Variants in DNAI1 observed in about 807,000 individuals in gnomAD.
The protein encoded by DNAI1 is dynein, axonemal, intermediate polypeptide 1.
In DNAI1, 67 loss-of-function variants were observed where a neutral mutation model predicts 92.0. That is an observed-to-expected ratio of 0.73 (90% confidence interval 0.60 to 0.89). The LOEUF (loss-of-function observed/expected upper bound fraction) is 0.89, where lower values mean the gene tolerates loss of function less well. Among genes scored for constraint, DNAI1 ranks in the 40% least tolerant of loss-of-function variants. The pLI is 0.00. For synonymous variants in DNAI1, 323 were observed against 319.6 expected (o/e 1.01, Z -0.11); for missense variants, 839 against 866.6 (o/e 0.97, Z 0.40).
chr9:34,493,680 C>T (rs1213997544), intron 9 of DNAI1, among the ~76,000 whole-genome samples: 1 of 152,140 alleles, frequency 6.6e-6, no homozygotes, highest in Non-Finnish European at 1.5e-5. Context: ...GCACCACTTC[C>T]CTCGGCAACG....
At chr9:34,488,005 G>C (rs1824506565) in intron 4 of DNAI1, 1 of 343,894 alleles carries the variant, frequency 2.9e-6, no homozygotes, top group Non-Finnish European at 5.8e-6. Flanking sequence ...TCAACTACTG[G>C]GGACAAGATG....
rs141638009 is a variant in DNAI1 at position 34,477,174 on chromosome 9, C to T, written c.49-6274C>T. On this transcript the variant is annotated intron_variant, in intron 1 of 19. Transcript: ENST00000242317. ...GGGACTACAGGCACACACCACCACA[C>T]CCAACTAATTAAAAAAAATTTTTAT... 5.0e-3 allele frequency among the ~76,000 whole-genome samples: 759 copies of T among 152,174 alleles called. 10 individuals are homozygous for T. Among genetic ancestry groups the T allele is most frequent in the African/African-American group, 0.017 (717 of 41,504 alleles).
Position 34,514,678 on chromosome 9 carries a change from G to A in DNAI1, c.1757G>A (p.Gly586Asp), listed in dbSNP as rs752567789. The A allele has an allele frequency of 2.5e-6, 4 of 1,614,178 alleles. No homozygotes were observed. Among genetic ancestry groups the A allele is most frequent in the Non-Finnish European group, 2.5e-6 (3 of 1,180,046 alleles). The stretch of plus-strand genomic sequence containing the variant: ...ATCTATGACCTGAACTCAGCCGTGG[G>A]TGATGTGGCCTGGGCGCCATACTCT... ...MFIYDLNSAV[G>D]DVAWAPYSST... Residue 586 changes from glycine (G) to aspartate (D), a missense_variant, in exon 18 of 20, where the codon GGT becomes GAT. By Grantham distance (94) the Gly-to-Asp change is moderately conservative. Coordinates refer to ENST00000242317, the MANE Select transcript of DNAI1 (RefSeq NM_012144.4).
intron 1 of DNAI1, among the ~76,000 whole-genome samples, chr9:34,462,468 T>A (rs1307715566): frequency 6.6e-6 from 1 of 152,170 alleles, no homozygotes; most frequent in Non-Finnish European, 1.5e-5. Flanking sequence ...ATAAACTATG[T>A]TATGGTAAGG....
rs1380836696 is a variant in DNAI1, at chr9:34,517,302, A to AGCCATCAACAAGTATGAG, written c.1843_1860dup (p.Asn615_Ile620dup). 1 of 1,613,826 alleles carries AGCCATCAACAAGTATGAG rather than the reference A, an allele frequency of 6.2e-7. No homozygotes were observed. Among genetic ancestry groups the AGCCATCAACAAGTATGAG allele is most frequent in the African/African-American group, 1.3e-5 (1 of 74,916 alleles). Reference sequence around the variant, plus strand: ...CTCCACAGGCCCACATATTTGACTTAGCCATCAACAAGTATGAGGCCATCT... The same window carrying AGCCATCAACAAGTATGAG: ...CTCCACAGGCCCACATATTTGACTTAGCCATCAACAAGTATGAGGCCATCAACAAGTATGAGGCCATCT... On this transcript the variant is annotated inframe_insertion, in exon 19 of 20. Transcript: ENST00000242317.
At chr9:34,512,083 A>G (rs1464761226) in intron 13 of DNAI1, 26 bp from the exon 14 acceptor site, 1 of 1,610,260 alleles carries the variant, frequency 6.2e-7, no homozygotes, top group Non-Finnish European at 8.5e-7. Flanking sequence ...GCAGGGTCCC[A>G]GAGCTCACAT....
rs556171052 is a variant in DNAI1, at chr9:34,496,767, C to G, written c.817-348C>G. On this transcript the variant is annotated intron_variant, in intron 9 of 19. Transcript: ENST00000242317. ...AAAGAAGGCTCCAACCTGCCCTTGTCTGCTCTCCCCTGCAGACCCTTCCTG... is the reference window on the plus strand; with the variant it reads ...AAAGAAGGCTCCAACCTGCCCTTGTGTGCTCTCCCCTGCAGACCCTTCCTG... 3.3e-5 allele frequency among the ~76,000 whole-genome samples: 5 copies of G among 152,314 alleles called. No individual in the cohort carries two copies. The South Asian group carries it at 8.3e-4, about 25-fold the overall frequency.
intron 8 of DNAI1, 51 bp from the exon 9 acceptor site, chr9:34,493,143 T>G (rs1279725928): frequency 6.2e-7 from 1 of 1,613,808 alleles, no homozygotes; most frequent in South Asian, 1.1e-5. Context: ...AAGAGCTGTC[T>G]GGGTAAAGAT....
At chr9:34,514,869 A>G (rs1467590032) in intron 18 of DNAI1, 130 bp downstream of exon 18, 2 of 1,026,464 alleles carry the variant, frequency 1.9e-6, no homozygotes, top group East Asian at 5.0e-5. Flanking sequence ...AGGACTGTGT[A>G]TTTTCCAGGG....
At chr9:34,493,502 C>T (rs191122004) in intron 9 of DNAI1, among the ~76,000 whole-genome samples, 174 bp downstream of exon 9, 1 of 152,268 alleles carries the variant, frequency 6.6e-6, no homozygotes, top group East Asian at 1.9e-4. Flanking sequence ...GCTACAACTG[C>T]CTCTAGCATT....
At chr9:34,479,684 T>G (rs1264261037) in intron 1 of DNAI1, among the ~76,000 whole-genome samples, 1 of 152,114 alleles carries the variant, frequency 6.6e-6, no homozygotes, top group African/African-American at 2.4e-5. Flanking sequence ...GTTGGGACGC[T>G]TCCATCCCAT....
intron 2 of DNAI1, 92 bp downstream of exon 2, chr9:34,483,572 A>G: frequency 7.9e-7 from 1 of 1,260,858 alleles, no homozygotes; most frequent in Non-Finnish European, 1.1e-6. Flanking sequence ...GAAAATGCAA[A>G]TGAACTAAAA....
chr9:34,489,883 A>G, intron 5 of DNAI1, 129 bp from the exon 6 acceptor site: 3 of 1,412,106 alleles, frequency 2.1e-6, no homozygotes, highest in South Asian at 1.3e-5. Context: ...GTTGTCCTGA[A>G]TAGGTCAGGG....
intron 13 of DNAI1, among the ~76,000 whole-genome samples, chr9:34,507,633 G>C (rs1255451090): frequency 6.6e-6 from 1 of 152,170 alleles, no homozygotes; most frequent in Non-Finnish European, 1.5e-5. Flanking sequence ...GTTGGTCAAG[G>C]GTCAACTGTA....
At chr9:34,512,455 C>G in intron 15 of DNAI1, 31 bp downstream of exon 15, 9 of 1,604,554 alleles carry the variant, frequency 5.6e-6, no homozygotes, top group Non-Finnish European at 7.7e-6. Flanking sequence ...ACCTCCAGGC[C>G]TGGCCAGGTC....
chr9:34,472,453 G>A (rs981946809), intron 1 of DNAI1, among the ~76,000 whole-genome samples: 3 of 152,194 alleles, frequency 2.0e-5, no homozygotes, highest in Non-Finnish European at 4.4e-5. Flanking sequence ...CTGCCCTCCT[G>A]TGTTTCCAGG....
intron 1 of DNAI1, among the ~76,000 whole-genome samples, chr9:34,465,711 T>G (rs1824026315): frequency 6.6e-6 from 1 of 152,266 alleles, no homozygotes; most frequent in South Asian, 2.1e-4. Context: ...CTGTGCTCGT[T>G]GCTGGGCTTT....
intron 2 of DNAI1, 86 bp from the exon 3 acceptor site, chr9:34,485,055 TG>T: frequency 7.6e-7 from 1 of 1,319,086 alleles, no homozygotes; most frequent in Non-Finnish European, 1.1e-6. Context: ...GCTTGGCTTC[TG>T]GGAGTGTTTG....
intron 10 of DNAI1, among the ~76,000 whole-genome samples, chr9:34,500,019 C>T (rs1201210377): frequency 6.6e-6 from 1 of 152,040 alleles, no homozygotes; most frequent in Non-Finnish European, 1.5e-5. Context: ...ATGTTGGGGC[C>T]TGAACCTGGG....
Sources: allele counts gnomAD v4.1 joint callset (sites outside exome capture counted in the v4.1 genomes callset), GRCh38; gene constraint gnomAD v4.1.1; transcripts MANE v1.5; gene names NCBI Gene and HGNC (gene_info 2026-07-23, HGNC 2026-07-21).